Variants in EP300 observed in about 807,000 individuals in gnomAD.
EP300 encodes the protein histone acetyltransferase p300.
A neutral mutation model predicts 264.0 loss-of-function variants in EP300; 31 were observed. The observed-to-expected ratio is 0.12, with a 90% CI of 0.09 to 0.16. The LOEUF (loss-of-function observed/expected upper bound fraction) is 0.16, where lower values mean the gene tolerates loss of function less well. Ranked by LOEUF, EP300 falls within the 10% of genes least tolerant of loss-of-function variation. The pLI is 1.00. For synonymous variants in EP300, 1,340 were observed against 1,045.4 expected (o/e 1.28, Z -5.44); for missense variants, 2,766 against 3,052.9 (o/e 0.91, Z 2.21).
chr22:41,140,722 C>A (rs910081993), intron 9 of EP300, among the ~76,000 whole-genome samples: 4 of 152,104 alleles, frequency 2.6e-5, no homozygotes, highest in African/African-American at 7.2e-5. Flanking sequence ...TCACCAGAGC[C>A]TTGGAAGTCA....
chr22:41,174,061 G>T (rs912120866), intron 29 of EP300, among the ~76,000 whole-genome samples: 15 of 152,102 alleles, frequency 9.9e-5, no homozygotes, highest in African/African-American at 3.6e-4. Context: ...AGTGAGCCGA[G>T]GTCACTCCAT....
At position 41,092,597 on chromosome 22, in the gene EP300, GGAGGAGGACAGCGCC is replaced by G. The variant is rs1004070197; in HGVS notation, c.-399_-385del. On this transcript the variant is annotated 5_prime_UTR_variant, in exon 1 of 31. Coordinates refer to ENST00000263253, the MANE Select transcript of EP300 (RefSeq NM_001429.4). ...CCCCGCCTCCTTGTGGCGATGAGAA[GGAGGAGGACAGCGCC>G]GAGGAGGAAGAGGTTGATGGCGGCG... 1 of 574,474 alleles carries G rather than the reference GGAGGAGGACAGCGCC, an allele frequency of 1.7e-6. No homozygotes were observed. The highest frequency in any genetic ancestry group is 3.2e-6 in the Non-Finnish European group (1 of 314,960). The allele number at this position is 574,474 out of a possible 1,614,324, so 35.6% of individuals were successfully genotyped here.
At chr22:41,118,694 G>A (rs1184744439) in intron 2 of EP300, among the ~76,000 whole-genome samples, 2 of 152,148 alleles carry the variant, frequency 1.3e-5, no homozygotes, top group Non-Finnish European at 2.9e-5. Context: ...AGTGGCTCAT[G>A]CCTGTAATCC....
intron 1 of EP300, among the ~76,000 whole-genome samples, chr22:41,107,369 C>T (rs1285840175): frequency 4.7e-5 from 7 of 150,150 alleles, no homozygotes; most frequent in East Asian, 2.0e-4. Context: ...CTTCATTTTA[C>T]CTAAAGTACA....
chr22:41,104,253 G>T (rs1050061403), intron 1 of EP300, among the ~76,000 whole-genome samples: 2 of 151,468 alleles, frequency 1.3e-5, no homozygotes, highest in Non-Finnish European at 2.9e-5. Flanking sequence ...TCTTAAGGTG[G>T]GATTTTAATA....
intron 10 of EP300, among the ~76,000 whole-genome samples, chr22:41,142,235 A>AT (rs2058986777): frequency 6.6e-6 from 1 of 152,202 alleles, no homozygotes; most frequent in Admixed American, 6.5e-5. Context: ...ATGACCTCTA[A>AT]GAAGTGCCAA....
Position 41,179,906 on chromosome 22 carries a change from ACACACACACACACAC to A in EP300, c.*951_*965del. 1 of 191,384 alleles carries A rather than the reference ACACACACACACACAC, an allele frequency of 5.2e-6. No homozygotes were observed. The highest frequency in any genetic ancestry group is 1.1e-5 in the Non-Finnish European group (1 of 93,464). The allele number at this position is 191,384 out of a possible 1,614,324, so 11.9% of individuals were successfully genotyped here. ...CACACACACACACACACACACACACACACACACACACACACACTTTCTATAAAACTTGAAAATAGC... is the reference window on the plus strand; with the variant it reads ...CACACACACACACACACACACACACAACTTTCTATAAAACTTGAAAATAGC... On this transcript the variant is annotated 3_prime_UTR_variant, in exon 31 of 31. Coordinates refer to ENST00000263253, the MANE Select transcript of EP300 (RefSeq NM_001429.4).
At chr22:41,151,117 C>T (rs943325198) in intron 14 of EP300, among the ~76,000 whole-genome samples, 2 of 151,852 alleles carry the variant, frequency 1.3e-5, no homozygotes, top group East Asian at 1.9e-4. Flanking sequence ...TAATATATAT[C>T]GGTATCCAAT....
At chr22:41,129,607 T>G (rs1300733401) in intron 4 of EP300, among the ~76,000 whole-genome samples, 1 of 152,194 alleles carries the variant, frequency 6.6e-6, no homozygotes, top group African/African-American at 2.4e-5. Context: ...TAGAATAAAG[T>G]AGGTTGTGTA....
At chr22:41,141,838 G>A (rs957135237) in intron 10 of EP300, among the ~76,000 whole-genome samples, 10 of 151,992 alleles carry the variant, frequency 6.6e-5, no homozygotes, top group African/African-American at 2.2e-4. Context: ...CACCACGCCT[G>A]TCTAATTTTT....
chr22:41,103,758 G>A (rs1459946906), intron 1 of EP300, among the ~76,000 whole-genome samples: 2 of 152,168 alleles, frequency 1.3e-5, no homozygotes, highest in African/African-American at 4.8e-5. Context: ...ATTTATCTTA[G>A]CATCAGGATA....
intron 1 of EP300, among the ~76,000 whole-genome samples, chr22:41,103,094 T>G (rs564048455): frequency 1.3e-5 from 2 of 152,238 alleles, no homozygotes; most frequent in South Asian, 4.1e-4. Flanking sequence ...AGTGATCTGC[T>G]CGCCTTGGCC....
At chr22:41,170,175 T>C (rs1281459408) in intron 26 of EP300, among the ~76,000 whole-genome samples, 1 of 152,234 alleles carries the variant, frequency 6.6e-6, no homozygotes, top group Non-Finnish European at 1.5e-5. Context: ...ATTCGCAACA[T>C]CCCACCATGG....
chr22:41,111,310 T>G (rs1274598582), intron 1 of EP300, among the ~76,000 whole-genome samples: 1 of 152,204 alleles, frequency 6.6e-6, no homozygotes, highest in East Asian at 1.9e-4. Context: ...TAACCATTTG[T>G]TGCTGGCATA....
At chr22:41,098,133 A>G (rs1039202380) in intron 1 of EP300, among the ~76,000 whole-genome samples, 8 of 152,050 alleles carry the variant, frequency 5.3e-5, no homozygotes, top group African/African-American at 1.9e-4. Flanking sequence ...ATATCTCCTA[A>G]TGCTATCCCT....
At chr22:41,126,066 G>GT in intron 3 of EP300, 26 bp downstream of exon 3, 1 of 1,611,276 alleles carries the variant, frequency 6.2e-7, no homozygotes, top group Non-Finnish European at 8.5e-7. Context: ...TTACAGACTT[G>GT]TTTTCAAACT....
intron 10 of EP300, among the ~76,000 whole-genome samples, chr22:41,145,333 G>C (rs776076901): frequency 3.9e-5 from 6 of 152,186 alleles, no homozygotes; most frequent in Non-Finnish European, 5.9e-5. Context: ...AAGTTTATAT[G>C]AATAAATGTT....
intron 19 of EP300, chr22:41,159,265 T>C (rs1338868865): frequency 6.6e-6 from 1 of 152,264 alleles, no homozygotes; most frequent in East Asian, 1.9e-4. Context: ...ATTTGTTTGT[T>C]AATACCAAAT....
chr22:41,143,662 G>C (rs2058995329), intron 10 of EP300, among the ~76,000 whole-genome samples: 1 of 151,642 alleles, frequency 6.6e-6, no homozygotes, highest in Non-Finnish European at 1.5e-5. Flanking sequence ...TGCAACCTCT[G>C]CCTCCCAGAT....
Sources: gnomAD v4.1 joint callset for allele counts (sites outside exome capture counted in the v4.1 genomes callset) on GRCh38, gnomAD v4.1.1 for gene constraint, MANE v1.5 for transcripts, NCBI Gene and HGNC (gene_info 2026-07-23, HGNC 2026-07-21) for gene names.